NOP14: variants seen among roughly 807,000 people sequenced by gnomAD.
The protein encoded by NOP14 is NOP14 nucleolar protein.
In NOP14, 57 loss-of-function variants were observed where a neutral mutation model predicts 101.6. That is an observed-to-expected ratio of 0.56 (90% CI 0.45 to 0.70). The LOEUF is 0.70. Ranked by LOEUF, NOP14 falls within the 30% of genes least tolerant of loss-of-function variation. The pLI is 0.00. For missense variants in NOP14, 1,134 were observed against 1,075.5 expected (o/e 1.05, Z -0.76); for synonymous variants, 428 against 424.0 (o/e 1.01, Z -0.12).
In NOP14 at chr4:2,938,816, T is replaced by C. The variant is rs766048794; in HGVS notation, c.*15A>G. Reference sequence around the variant, plus strand: ...AGGTAATGTCCAGTTCCTTGCCTTATTTATAAAATGTAATTTATTTTTTGA... The same window carrying C: ...AGGTAATGTCCAGTTCCTTGCCTTACTTATAAAATGTAATTTATTTTTTGA... On this transcript the variant is annotated 3_prime_UTR_variant, in exon 18 of 18. Coordinates refer to ENST00000416614, the MANE Select transcript of NOP14 (RefSeq NM_001291978.2). 9 of 1,601,206 alleles carry C rather than the reference T, an allele frequency of 5.6e-6. No individual in the cohort carries two copies. The highest frequency in any genetic ancestry group is 1.7e-5 in the Admixed American group (1 of 59,862).
At chr4:2,944,050 G>C in intron 13 of NOP14, 23 bp downstream of exon 13, 1 of 1,580,832 alleles carries the variant, frequency 6.3e-7, no homozygotes, top group South Asian at 1.2e-5. Context: ...ATATTTGTAG[G>C]AACCTCCCTC....
At chr4:2,953,425 G>A in intron 5 of NOP14, 86 bp downstream of exon 5, 2 of 1,455,732 alleles carry the variant, frequency 1.4e-6, no homozygotes, top group Non-Finnish European at 1.9e-6. Flanking sequence ...AGGTAGAAGA[G>A]CCGTCCAGCC....
intron 11 of NOP14, among the ~76,000 whole-genome samples, chr4:2,945,811 G>T (rs17778282): frequency 0.028 from 4,307 of 152,276 alleles, 90 homozygotes; most frequent in Non-Finnish European, 0.04. Context: ...ACCAAATACA[G>T]CACCATTCAC....
chr4:2,941,471 T>A (rs1382353829), intron 15 of NOP14, 111 bp downstream of exon 15: 1 of 959,504 alleles, frequency 1.0e-6, no homozygotes, highest in African/African-American at 1.7e-5. Flanking sequence ...TTTGCAAAGA[T>A]GGTGTTGACT....
intron 11 of NOP14, among the ~76,000 whole-genome samples, chr4:2,946,197 T>TCTCA (rs143257718): frequency 5.7e-5 from 2 of 35,294 alleles, no homozygotes; most frequent in African/African-American, 2.4e-4. Flanking sequence ...TGCCGTGCAC[T>TCTCA]CTCCAGATCA....
At chr4:2,943,016 T>TC (rs1193850081) in intron 13 of NOP14, among the ~76,000 whole-genome samples, 1 of 152,134 alleles carries the variant, frequency 6.6e-6, no homozygotes, top group Non-Finnish European at 1.5e-5. Context: ...GCCCACCCCT[T>TC]CCTTGACTCC....
chr4:2,957,815 T>C, intron 1 of NOP14, 75 bp from the exon 2 acceptor site: 3 of 1,496,468 alleles, frequency 2.0e-6, no homozygotes, highest in Admixed American at 3.7e-5. Flanking sequence ...GAACAGTGCA[T>C]ACTTTAAAGT....
At position 2,945,124 on chromosome 4, in the gene NOP14, G is replaced by C. The variant is rs370706586; in HGVS notation, c.1737+4C>G. 2 of 1,575,090 alleles carry C rather than the reference G, an allele frequency of 1.3e-6. No homozygotes were observed. Among genetic ancestry groups the C allele is most frequent in the Non-Finnish European group, 1.7e-6 (2 of 1,159,026 alleles). On this transcript the variant is annotated splice_donor_region_variant and intron_variant, in intron 12 of 17. Transcript: ENST00000416614. ...GACCCCTGCCGCATGTGGAGAGAAC[G>C]CACCTTGGTGAGCAGCTGACTGAGG... is the stretch of plus-strand genomic sequence containing the variant.
At chr4:2,939,684 C>G (rs760539488) in intron 15 of NOP14, 39 bp from the exon 16 acceptor site, 1 of 1,481,176 alleles carries the variant, frequency 6.8e-7, no homozygotes. Context: ...GATGACTCAC[C>G]TGCTGCGTGC....
chr4:2,946,451 A>G lies in NOP14; in HGVS notation c.1596T>C (p.Ile532=), dbSNP rs1714651684. ...GCAATGCCGCCCGGCCTTTGGTCTCAATCATTTCTTCCATCTCATGCATCG... is the reference window on the plus strand; with the variant it reads ...GCAATGCCGCCCGGCCTTTGGTCTCGATCATTTCTTCCATCTCATGCATCG... ...RDAMHEMEEM[I]ETKGRAALPG... The change falls in exon 11 of 18, where the codon ATT becomes ATC. Residue 532 remains isoleucine, a synonymous_variant. Coordinates refer to ENST00000416614, the MANE Select transcript of NOP14 (RefSeq NM_001291978.2). The G allele has an allele frequency of 1.9e-6, 3 of 1,614,148 alleles. No homozygotes were observed. The highest frequency in any genetic ancestry group is 1.7e-5 in the Admixed American group (1 of 60,018).
In NOP14 at chr4:2,963,279, G is replaced by A; in HGVS notation, c.41C>T (p.Ser14Phe). 1 of 1,592,792 alleles carries A rather than the reference G, an allele frequency of 6.3e-7. No homozygotes were observed. Among genetic ancestry groups the A allele is most frequent in the East Asian group, 2.4e-5 (1 of 41,726 alleles). Residue 14 changes from serine to phenylalanine, a missense_variant, in exon 1 of 18, where the codon TCC (serine) becomes TTC (phenylalanine). By Grantham distance (155) the Ser-to-Phe change is radical (BLOSUM62 -2). Transcript: ENST00000416614. ...AKKVGARRKASGAPAGARGGP... is the reference protein window; with the variant it reads ...AKKVGARRKAFGAPAGARGGP... ...CCCTCGCGCTCCCGCCGGCGCCCCG[G>A]AGGCCTTCCTTCGCGCCCCGACCTT...
Position 2,938,612 on chromosome 4 carries a change from C to T in NOP14, c.*219G>A. The T allele has an allele frequency of 1.8e-6, 1 of 551,920 alleles. No individual in the cohort carries two copies. Among genetic ancestry groups the T allele is most frequent in the Non-Finnish European group, 3.2e-6 (1 of 311,262 alleles). 34.2% of individuals were successfully genotyped at this position (551,920 alleles called of 1,614,324 possible). On this transcript the variant is annotated 3_prime_UTR_variant, in exon 18 of 18. Coordinates refer to ENST00000416614, the MANE Select transcript of NOP14 (RefSeq NM_001291978.2). Reference sequence around the variant, plus strand: ...TAACCTTGGACTCAGCTCAAGCAGTCCTCCTGCTTCAGCCTCCCGAGTAGT... The same window carrying T: ...TAACCTTGGACTCAGCTCAAGCAGTTCTCCTGCTTCAGCCTCCCGAGTAGT...
At chr4:2,952,469 A>G (rs1715094085) in intron 5 of NOP14, 72 bp from the exon 6 acceptor site, 3 of 1,369,834 alleles carry the variant, frequency 2.2e-6, no homozygotes, top group South Asian at 1.5e-5. Flanking sequence ...GAAAAGATCT[A>G]GCTTCCTGGC....
At position 2,948,203 on chromosome 4, in the gene NOP14, T is replaced by C. The variant is rs1346235785; in HGVS notation, c.1413+75A>G. 4 of 1,501,350 alleles carry C rather than the reference T, an allele frequency of 2.7e-6. No individual in the cohort carries two copies. In the African/African-American group the frequency reaches 4.3e-5, roughly 16 times the overall value. 93.0% of individuals were successfully genotyped at this position (1,501,350 alleles called of 1,614,324 possible). On this transcript the variant is annotated intron_variant, in intron 9 of 17. Coordinates refer to ENST00000416614, the MANE Select transcript of NOP14 (RefSeq NM_001291978.2). ...GAGGCACACATGGCCGTTGCACAACTTCACACAATTCTGGCATTCATATAC... is the reference window on the plus strand; with the variant it reads ...GAGGCACACATGGCCGTTGCACAACCTCACACAATTCTGGCATTCATATAC...
At position 2,954,508 on chromosome 4, in the gene NOP14, A is replaced by G. The variant is rs956030448; in HGVS notation, c.528T>C (p.Thr176=). Reference sequence around the variant, plus strand: ...TCTCCCGCTCCTCGCCTTCCTGTTGAGTCTTCTTGTGAAGGAGCCCACCGC... The same window carrying G: ...TCTCCCGCTCCTCGCCTTCCTGTTGGGTCTTCTTGTGAAGGAGCCCACCGC... ...GGGGGLLHKK[T]QQEGEEREKP... The change falls in exon 4 of 18, where the codon ACT becomes ACC. Residue 176 remains threonine, a synonymous_variant. Coordinates refer to ENST00000416614, the MANE Select transcript of NOP14 (RefSeq NM_001291978.2). 9 of 1,614,064 alleles carry G rather than the reference A, an allele frequency of 5.6e-6. No homozygotes were observed. The highest frequency in any genetic ancestry group is 7.6e-6 in the Non-Finnish European group (9 of 1,180,006).
chr4:2,941,518 T>G lies in NOP14; in HGVS notation c.2199+64A>C, dbSNP rs573524450. 8 of 1,506,012 alleles carry G rather than the reference T, an allele frequency of 5.3e-6. No individual in the cohort carries two copies. The East Asian group carries it at 1.6e-4, about 30-fold the overall frequency. The allele number at this position is 1,506,012 out of a possible 1,614,324, so 93.3% of individuals were successfully genotyped here. A position where few individuals can be genotyped will look rare whatever the true frequency, so the allele number is the denominator to read the frequency against. ...CATCAAATGACTGACTGCCACCAGC[T>G]TGGCCCCAGCTCAGGGACATGTCTG... On this transcript the variant is annotated intron_variant, in intron 15 of 17. Coordinates refer to ENST00000416614, the MANE Select transcript of NOP14 (RefSeq NM_001291978.2).
In NOP14 at chr4:2,939,330, T is replaced by C. The variant is rs774738311; in HGVS notation, c.2332A>G (p.Arg778Gly). The C allele has an allele frequency of 1.2e-6, 2 of 1,614,062 alleles. No homozygotes were observed. The highest frequency in any genetic ancestry group is 1.7e-6 in the Non-Finnish European group (2 of 1,180,010). ...PRLVKVLEFG[R>G]KQGSSKEEQE... ...TCCTCCTTACTACTGCCTTGTTTTCTTCCAAACTCGAGGCTACAACCAGAA... is the reference window on the plus strand; with the variant it reads ...TCCTCCTTACTACTGCCTTGTTTTCCTCCAAACTCGAGGCTACAACCAGAA... Residue 778 changes from arginine to glycine, a missense_variant, in exon 17 of 18, where the codon AGA (arginine) becomes GGA (glycine). Transcript: ENST00000416614.
chr4:2,940,161 A>G (rs1314126725), intron 15 of NOP14: 1 of 156,638 alleles, frequency 6.4e-6, no homozygotes, highest in Non-Finnish European at 1.4e-5. Context: ...GTTTGACCTT[A>G]TTTTCAAGCC....
intron 13 of NOP14, among the ~76,000 whole-genome samples, chr4:2,942,920 T>A (rs1240301353): frequency 6.7e-6 from 1 of 149,918 alleles, no homozygotes; most frequent in East Asian, 2.0e-4. Flanking sequence ...GGGTGGAGAG[T>A]GGGTACAGTG....
Sources: gnomAD v4.1 joint callset for allele counts (sites outside exome capture counted in the v4.1 genomes callset) on GRCh38, gnomAD v4.1.1 for gene constraint, MANE v1.5 for transcripts, NCBI Gene and HGNC (gene_info 2026-07-23, HGNC 2026-07-21) for gene names.